MZF1: variants seen among roughly 807,000 people sequenced by gnomAD.
The protein encoded by MZF1 is myeloid zinc finger 1.
In MZF1, 24 loss-of-function variants were observed where a neutral mutation model predicts 28.6. The observed-to-expected ratio is 0.84, with a 90% CI of 0.61 to 1.18. The LOEUF (loss-of-function observed/expected upper bound fraction) is 1.18. MZF1 is among the 50% of genes most tolerant of loss of function. The probability of loss-of-function intolerance (pLI) is 0.00; values close to 1 mark genes in which losing one functional copy is unlikely to be tolerated. For missense variants in MZF1, 1,166 were observed against 1,026.4 expected (o/e 1.14, Z -1.86); for synonymous variants, 516 against 432.5 (o/e 1.19, Z -2.40).
In MZF1 at chr19:58,563,100, A is replaced by G; in HGVS notation, c.1177T>C (p.Phe393Leu). ...PFVCSECGRS[F>L]SRSSHLLRHQ... The stretch of plus-strand genomic sequence containing the variant: ...CGCAGCAGGTGCGAGCTGCGGCTGA[A>G]GCTGCGGCCGCACTCGCTGCACACG... The change falls in exon 6 of 6, where the codon TTC becomes CTC. Residue 393 changes from phenylalanine (F) to leucine (L), a missense_variant. Coordinates refer to ENST00000215057, the MANE Select transcript of MZF1 (RefSeq NM_198055.2). The G allele has an allele frequency of 6.2e-7, 1 of 1,605,576 alleles. No individual in the cohort carries two copies. Among genetic ancestry groups the G allele is most frequent in the African/African-American group, 1.3e-5 (1 of 75,036 alleles).
chr19:58,562,029 T>C lies in MZF1; in HGVS notation c.*43A>G, dbSNP rs748038747. The stretch of plus-strand genomic sequence containing the variant: ...CCAGCCTCACAATAACCAGGGGAGG[T>C]AGGTGTTCTGACCATGGCGGACACA... On this transcript the variant is annotated 3_prime_UTR_variant, in exon 6 of 6. Coordinates refer to ENST00000215057, the MANE Select transcript of MZF1 (RefSeq NM_198055.2). 11 of 1,524,654 alleles carry C rather than the reference T, an allele frequency of 7.2e-6. No homozygotes were observed. In the South Asian group the frequency reaches 1.2e-4, roughly 17 times the overall value. The allele number at this position is 1,524,654 out of a possible 1,614,324, so 94.4% of individuals were successfully genotyped here.
rs1261682581 is a variant in MZF1 at position 58,565,867 on chromosome 19, A to C, written c.773-2363T>G. 2.1e-5 allele frequency among the ~76,000 whole-genome samples: 3 copies of C among 140,912 alleles called. No individual in the cohort carries two copies. In the East Asian group the frequency reaches 7.0e-4, roughly 33 times the overall value. 92.4% of individuals were successfully genotyped at this position (140,912 alleles called of 152,430 possible). A position where few individuals can be genotyped will look rare whatever the true frequency, so the allele number is the denominator to read the frequency against. On this transcript the variant is annotated intron_variant, in intron 5 of 5. Transcript: ENST00000215057. The stretch of plus-strand genomic sequence containing the variant: ...TTAAAGGAGAGGAATGGGGCTGGGC[A>C]CGGTGGCTCACGCCTGTAATCCCAG...
Position 58,562,024 on chromosome 19 carries a change from G to C in MZF1, c.*48C>G. The C allele has an allele frequency of 6.6e-7, 1 of 1,517,028 alleles. No homozygotes were observed. The highest frequency in any genetic ancestry group is 8.9e-7 in the Non-Finnish European group (1 of 1,126,786). 94.0% of individuals were successfully genotyped at this position (1,517,028 alleles called of 1,614,324 possible). ...AATCGCCAGCCTCACAATAACCAGGGGAGGTAGGTGTTCTGACCATGGCGG... is the reference window on the plus strand; with the variant it reads ...AATCGCCAGCCTCACAATAACCAGGCGAGGTAGGTGTTCTGACCATGGCGG... On this transcript the variant is annotated 3_prime_UTR_variant, in exon 6 of 6. Transcript: ENST00000215057.
chr19:58,563,121 A>C lies in MZF1; in HGVS notation c.1156T>G (p.Cys386Gly), dbSNP rs368017228. The change falls in exon 6 of 6, where the codon TGC becomes GGC. Residue 386 changes from cysteine (C) to glycine (G), a missense_variant. Cys to Gly is a radical substitution (Grantham distance 159, BLOSUM62 -3). Coordinates refer to ENST00000215057, the MANE Select transcript of MZF1 (RefSeq NM_198055.2). ...CTGAAGCTGCGGCCGCACTCGCTGCACACGAATGGTCGCTCACCCGTGTGG... is the reference window on the plus strand; with the variant it reads ...CTGAAGCTGCGGCCGCACTCGCTGCCCACGAATGGTCGCTCACCCGTGTGG... ...KIHTGERPFV[C>G]SECGRSFSRS... is the part of the protein sequence containing the mutation. 1 of 1,607,650 alleles carries C rather than the reference A, an allele frequency of 6.2e-7. No individual in the cohort carries two copies. Among genetic ancestry groups the C allele is most frequent in the East Asian group, 2.2e-5 (1 of 44,856 alleles).
intron 5 of MZF1, chr19:58,563,721 G>A (rs1033051522): frequency 2.1e-6 from 1 of 481,598 alleles, no homozygotes; most frequent in Admixed American, 3.9e-5. Context: ...ACTGGGCTAT[G>A]TGAAAAAGCT....
chr19:58,570,846 G>GGGCAGC, intron 2 of MZF1, 148 bp downstream of exon 2: 1 of 858,930 alleles, frequency 1.2e-6, no homozygotes, highest in Admixed American at 2.8e-5. Flanking sequence ...CCTCTGCCCT[G>GGGCAGC]GGCAGCCTTG....
At chr19:58,569,027 A>T (rs1427260102) in intron 5 of MZF1, 1 of 423,102 alleles carries the variant, frequency 2.4e-6, no homozygotes, top group African/African-American at 2.1e-5. Flanking sequence ...CCTGCTTGCA[A>T]AAGGTTTTAC....
At chr19:58,563,770 A>C in intron 5 of MZF1, 1 of 396,294 alleles carries the variant, frequency 2.5e-6, no homozygotes, top group East Asian at 4.2e-5. Flanking sequence ...TCGTTTTTGG[A>C]AGGGCTGTAG....
intron 1 of MZF1, 87 bp from the exon 2 acceptor site, chr19:58,571,516 G>T: frequency 8.2e-7 from 1 of 1,221,644 alleles, no homozygotes; most frequent in Non-Finnish European, 1.1e-6. Context: ...TTGATCCTCA[G>T]ACCTACCCCA....
intron 1 of MZF1, 46 bp from the exon 2 acceptor site, chr19:58,571,475 AT>A: frequency 6.0e-6 from 9 of 1,510,708 alleles, no homozygotes; most frequent in Non-Finnish European, 8.1e-6. Context: ...AGTACAGTGA[AT>A]GCTTCACTGC....
intron 1 of MZF1, chr19:58,572,571 T>G: frequency 7.8e-7 from 1 of 1,289,686 alleles, no homozygotes; most frequent in South Asian, 1.2e-5. Flanking sequence ...CGCTGTTCCT[T>G]CTGCAGCTGC....
chr19:58,565,668 G>A (rs2054036530), intron 5 of MZF1, among the ~76,000 whole-genome samples: 2 of 151,634 alleles, frequency 1.3e-5, no homozygotes, highest in African/African-American at 4.8e-5. Context: ...GAGTAGATGG[G>A]ACTACAGGCG....
intron 2 of MZF1, 172 bp from the exon 3 acceptor site, chr19:58,570,699 G>A: frequency 1.4e-6 from 1 of 733,194 alleles, no homozygotes. Flanking sequence ...AAGAATGAAG[G>A]GACCACCTGC....
Position 58,570,375 on chromosome 19 carries a change from C to T in MZF1, c.549G>A (p.Val183=), listed in dbSNP as rs764830623. ...TMQESPLGLQ[V]KEESEVTEDS... ...CCTCTGTAACCTCTGACTCCTCTTT[C>T]ACCTGCAGGCCCAGTGGTGATTCCT... Residue 183 remains valine, a synonymous_variant, in exon 3 of 6, where the codon GTG becomes GTA. Transcript: ENST00000215057. The T allele has an allele frequency of 3.7e-6, 6 of 1,613,402 alleles. No homozygotes were observed. Among genetic ancestry groups the T allele is most frequent in the East Asian group, 2.2e-5 (1 of 44,882 alleles).
chr19:58,562,318 G>A lies in MZF1; in HGVS notation c.1959C>T (p.Phe653=), dbSNP rs1600095015. The part of the protein sequence containing the change: ...HQRIHTGERP[F]ACPECGQSFR... The stretch of plus-strand genomic sequence containing the variant: ...AGCTCTGGCCGCACTCGGGGCAGGC[G>A]AAGGGCCGTTCGCCCGTGTGGATGC... The change falls in exon 6 of 6, where the codon TTC becomes TTT. Residue 653 remains phenylalanine, a synonymous_variant. Transcript: ENST00000215057. The A allele has an allele frequency of 6.2e-7, 1 of 1,608,678 alleles. No individual in the cohort carries two copies. Among genetic ancestry groups the A allele is most frequent in the African/African-American group, 1.3e-5 (1 of 74,402 alleles).
At position 58,563,392 on chromosome 19, in the gene MZF1, G is replaced by T; in HGVS notation, c.885C>A (p.Pro295=). The T allele has an allele frequency of 6.2e-7, 1 of 1,601,122 alleles. No homozygotes were observed. Among genetic ancestry groups the T allele is most frequent in the Non-Finnish European group, 8.5e-7 (1 of 1,173,904 alleles). ...CATGCGCAAAGCCACCTTCGCGGGA[G>T]GGTGATTGGATCTGGCCAGAAAGGC... ...MAGLSGQIQS[P]SREGGFAHAL... The change falls in exon 6 of 6, where the codon CCC becomes CCA. Residue 295 remains proline, a synonymous_variant. Transcript: ENST00000215057.
intron 5 of MZF1, among the ~76,000 whole-genome samples, chr19:58,566,594 C>T (rs939284149): frequency 2.7e-4 from 41 of 152,274 alleles, no homozygotes; most frequent in Admixed American, 9.2e-4. Context: ...AAGGGGCATT[C>T]CACTGTATAC....
In MZF1 at chr19:58,562,678, G is replaced by A; in HGVS notation, c.1599C>T (p.Arg533=). The change falls in exon 6 of 6, where the codon CGC becomes CGT. Residue 533 remains arginine, a synonymous_variant. Transcript: ENST00000215057. ...CGAAGGGCCGCTCGCCACTGTGCAC[G>A]CGCCGGTGCTGCAGCAGCACTGAGC... ...GRRSVLLQHR[R]VHSGERPFAC... The A allele has an allele frequency of 6.5e-7, 1 of 1,536,176 alleles. No homozygotes were observed. The highest frequency in any genetic ancestry group is 1.8e-4 in the Middle Eastern group (1 of 5,592).
At chr19:58,564,902 G>GTGTTT (rs1568680296) in intron 5 of MZF1, among the ~76,000 whole-genome samples, 10 of 41,998 alleles carry the variant, frequency 2.4e-4, no homozygotes, top group East Asian at 1.4e-3. Context: ...CCATGTGTGT[G>GTGTTT]TTTTTTTTTT....
Sources: allele counts gnomAD v4.1 joint callset (sites outside exome capture counted in the v4.1 genomes callset), GRCh38; gene constraint gnomAD v4.1.1; transcripts MANE v1.5; gene names NCBI Gene and HGNC (gene_info 2026-07-23, HGNC 2026-07-21).